The following RPS6KA5 variants were observed in gnomAD, a reference collection of about 807,000 sequenced individuals.
RPS6KA5 encodes ribosomal protein S6 kinase alpha-5.
RPS6KA5 carries 27 observed loss-of-function variants against 85.5 expected under a neutral mutation model. The ratio of observed to expected loss-of-function variants is 0.32; its 90% CI spans 0.23 to 0.44. The LOEUF is 0.44. Ranked by LOEUF, RPS6KA5 falls within the 20% of genes least tolerant of loss-of-function variation. The pLI is 1.00. For synonymous variants in RPS6KA5, 334 were observed against 348.2 expected (o/e 0.96, Z 0.46); for missense variants, 811 against 980.9 (o/e 0.83, Z 2.31).
chr14:91,015,377 A>T (rs1021457859), intron 1 of RPS6KA5, among the ~76,000 whole-genome samples: 11 of 148,942 alleles, frequency 7.4e-5, no homozygotes, highest in Admixed American at 1.3e-4. Flanking sequence ...GTGAATGATT[A>T]AAAAAAAAAT....
At position 90,899,421 on chromosome 14, in the gene RPS6KA5, T is replaced by A. The variant is rs1397845269; in HGVS notation, c.1381A>T (p.Met461Leu). The A allele has an allele frequency of 1.9e-6, 3 of 1,609,304 alleles. No homozygotes were observed. Among genetic ancestry groups the A allele is most frequent in the East Asian group, 2.2e-5 (1 of 44,856 alleles). Reference sequence around the variant, plus strand: ...ATTTCCTTTTGAGTATTGGCTTCCATCCTGCAAGATGAGACACTTAGCATC... The same window carrying A: ...ATTTCCTTTTGAGTATTGGCTTCCAACCTGCAAGATGAGACACTTAGCATC... ...AFAVKIISKR[M>L]EANTQKEITA... The change falls in exon 12 of 17, where the codon ATG (methionine) becomes TTG (leucine). Residue 461 changes from methionine to leucine, a missense_variant and splice_region_variant. By Grantham distance (15) the Met-to-Leu change is conservative. Transcript: ENST00000614987.
intron 5 of RPS6KA5, among the ~76,000 whole-genome samples, chr14:90,935,804 GATCTGTTTTGAAA>G (rs1295232821): frequency 6.6e-6 from 1 of 152,126 alleles, no homozygotes; most frequent in Non-Finnish European, 1.5e-5. Context: ...TCGTGTTAAT[GATCTGTTTTGAAA>G]ATTTTCAAGC....
In RPS6KA5 at chr14:90,867,080, G is replaced by T. The variant is rs2032835864; in HGVS notation, c.*4994C>A. On this transcript the variant is annotated 3_prime_UTR_variant, in exon 17 of 17. Coordinates refer to ENST00000614987, the MANE Select transcript of RPS6KA5 (RefSeq NM_004755.4). ...CTCTTATGTAGTTAAAAATAAAACTGCAGTTTTAAAATGTCAAGTTCCTCA... is the reference window on the plus strand; with the variant it reads ...CTCTTATGTAGTTAAAAATAAAACTTCAGTTTTAAAATGTCAAGTTCCTCA... The T allele has an allele frequency of 6.6e-6, 1 of 152,080 alleles. No individual in the cohort carries two copies. The highest frequency in any genetic ancestry group is 2.4e-5 in the African/African-American group (1 of 41,416). The allele number at this position is 152,080 out of a possible 1,614,324, so 9.4% of individuals were successfully genotyped here. A position where few individuals can be genotyped will look rare whatever the true frequency, so the allele number is the denominator to read the frequency against.
chr14:90,918,227 G>A (rs1394528405), intron 7 of RPS6KA5, among the ~76,000 whole-genome samples: 1 of 152,114 alleles, frequency 6.6e-6, no homozygotes, highest in African/African-American at 2.4e-5. Flanking sequence ...AGCCATACTA[G>A]TTGAATATAT....
Position 90,850,168 on chromosome 14 carries a change from G to C in RPS6KA5, c.*21906C>G, listed in dbSNP as rs1029543453. ...CCTCAATTCTTTCCTCTGGGATCCC[G>C]TCAGCTTCTCCTTCCCCAGAGGTCC... On this transcript the variant is annotated 3_prime_UTR_variant, in exon 17 of 17. Transcript: ENST00000614987. 1 of 152,124 alleles carries C rather than the reference G, an allele frequency of 6.6e-6. No homozygotes were observed. Among genetic ancestry groups the C allele is most frequent in the Non-Finnish European group, 1.5e-5 (1 of 68,038 alleles). 9.4% of individuals were successfully genotyped at this position (152,124 alleles called of 1,614,324 possible).
rs945574817 is a variant in RPS6KA5, at chr14:90,857,796, T to C, written c.*14278A>G. On this transcript the variant is annotated 3_prime_UTR_variant, in exon 17 of 17. Transcript: ENST00000614987. The stretch of plus-strand genomic sequence containing the variant: ...CAAGTCCGACTCGGCAACCATTTAG[T>C]AGCCTTTCTATAAAAACAGGCTGCA... 1.3e-5 allele frequency: 2 copies of C among 152,260 alleles called. No homozygotes were observed. The highest frequency in any genetic ancestry group is 1.3e-4 in the Admixed American group (2 of 15,284). 9.4% of individuals were successfully genotyped at this position (152,260 alleles called of 1,614,324 possible).
chr14:90,877,616 T>C (rs1273714786), intron 14 of RPS6KA5, among the ~76,000 whole-genome samples: 1 of 152,212 alleles, frequency 6.6e-6, no homozygotes, highest in Non-Finnish European at 1.5e-5. Context: ...GCTTCTGCAG[T>C]TCCCCATATT....
chr14:90,873,539 A>G, intron 16 of RPS6KA5, 93 bp downstream of exon 16: 1 of 1,178,028 alleles, frequency 8.5e-7, no homozygotes, highest in East Asian at 2.4e-5. Flanking sequence ...TTAAATGTGA[A>G]ACAAAGAAAA....
rs752977143 is a variant in RPS6KA5 at position 90,902,973 on chromosome 14, A to C, written c.958-4T>G. ...CTAAATCATCCCAATTTATTTTCTA[A>C]AACAAAGAAAGTTGGTACAAAGTAG... is the stretch of plus-strand genomic sequence containing the variant. On this transcript the variant is annotated splice_polypyrimidine_tract_variant and splice_region_variant and intron_variant, in intron 8 of 16. Coordinates refer to ENST00000614987, the MANE Select transcript of RPS6KA5 (RefSeq NM_004755.4). 1 of 1,608,540 alleles carries C rather than the reference A, an allele frequency of 6.2e-7. No individual in the cohort carries two copies. Among genetic ancestry groups the C allele is most frequent in the South Asian group, 1.1e-5 (1 of 90,190 alleles).
chr14:90,996,441 T>C (rs981841904), intron 2 of RPS6KA5, among the ~76,000 whole-genome samples: 3 of 152,292 alleles, frequency 2.0e-5, no homozygotes, highest in Non-Finnish European at 4.4e-5. Flanking sequence ...TACATTTTAA[T>C]AGTGTCCTTG....
At chr14:90,950,714 T>C (rs1324715104) in intron 3 of RPS6KA5, among the ~76,000 whole-genome samples, 2 of 152,226 alleles carry the variant, frequency 1.3e-5, no homozygotes, top group Non-Finnish European at 2.9e-5. Flanking sequence ...GGTAAACCAA[T>C]CTTGCACTAC....
intron 1 of RPS6KA5, among the ~76,000 whole-genome samples, chr14:91,017,308 C>T (rs995988309): frequency 1.3e-5 from 2 of 152,198 alleles, no homozygotes; most frequent in Admixed American, 6.5e-5. Flanking sequence ...ACTCTGGATA[C>T]AGATTTGCCT....
rs115151797 is a variant in RPS6KA5 at position 91,035,132 on chromosome 14, T to A, written c.103+25200A>T. Among the ~76,000 whole-genome samples, 1,223 of 151,932 alleles carry A rather than the reference T, an allele frequency of 8.0e-3. 18 individuals are homozygous for A. The highest frequency in any genetic ancestry group is 0.029 in the African/African-American group (1,181 of 41,392). ...AAGATGATAATTTGAGCTAAGCCTT[T>A]AAAAGTACACAGAAACTTCTGGATG... On this transcript the variant is annotated intron_variant, in intron 1 of 16. Coordinates refer to ENST00000614987, the MANE Select transcript of RPS6KA5 (RefSeq NM_004755.4).
intron 1 of RPS6KA5, among the ~76,000 whole-genome samples, chr14:91,050,536 C>T (rs1277901420): frequency 6.6e-6 from 1 of 152,174 alleles, no homozygotes; most frequent in African/African-American, 2.4e-5. Flanking sequence ...TCAAGCAATT[C>T]TCTTGCCTAA....
intron 5 of RPS6KA5, among the ~76,000 whole-genome samples, chr14:90,938,166 GC>G (rs1238443475): frequency 1.3e-5 from 2 of 152,216 alleles, no homozygotes; most frequent in African/African-American, 4.8e-5. Context: ...CAGGTCCCAT[GC>G]AAGTCCAAAA....
intron 2 of RPS6KA5, among the ~76,000 whole-genome samples, chr14:90,992,233 C>G (rs1274522443): frequency 6.6e-6 from 1 of 152,110 alleles, no homozygotes; most frequent in Non-Finnish European, 1.5e-5. Context: ...TTTTTAAAGG[C>G]AGATATACTT....
At chr14:90,876,887 C>T (rs2033516734) in intron 14 of RPS6KA5, among the ~76,000 whole-genome samples, 1 of 152,172 alleles carries the variant, frequency 6.6e-6, no homozygotes, top group African/African-American at 2.4e-5. Context: ...CTTTTCTGGT[C>T]ACGTTTCTGA....
At chr14:90,984,609 A>G (rs368775670) in intron 2 of RPS6KA5, among the ~76,000 whole-genome samples, 3 of 152,240 alleles carry the variant, frequency 2.0e-5, no homozygotes, top group South Asian at 2.1e-4. Context: ...ATAAGAAATA[A>G]TATATACTGA....
chr14:90,876,719 A>G (rs1285907512), intron 14 of RPS6KA5, among the ~76,000 whole-genome samples: 5 of 152,116 alleles, frequency 3.3e-5, no homozygotes, highest in African/African-American at 1.2e-4. Flanking sequence ...TTGAGAAGGG[A>G]GCAGTGGTGT....
Sources: allele counts gnomAD v4.1 joint callset (sites outside exome capture counted in the v4.1 genomes callset), GRCh38; gene constraint gnomAD v4.1.1; transcripts MANE v1.5; gene names NCBI Gene and HGNC (gene_info 2026-07-23, HGNC 2026-07-21).